The following DMD variants were observed in gnomAD, a reference collection of about 807,000 sequenced individuals.
The protein encoded by DMD is mutant dystrophin.
DMD carries 63 observed loss-of-function variants against 330.1 expected under a neutral mutation model. The ratio of observed to expected loss-of-function variants is 0.19; its 90% CI spans 0.16 to 0.24. The LOEUF is 0.24. DMD is among the 10% of genes least tolerant of loss of function. The pLI, the probability that DMD is intolerant of heterozygous loss-of-function variation, is 1.00. For missense variants in DMD, 3,344 were observed against 2,684.1 expected, an observed-to-expected ratio of 1.25 and a Z score of -5.43; for synonymous variants, 1,223 against 959.8, an observed-to-expected ratio of 1.27 and a Z score of -5.07.
At chrX:32,838,660 G>C (rs767365311) in intron 4 of DMD, among the ~76,000 whole-genome samples, 1 of 111,435 alleles carries the variant, frequency 9.0e-6, no homozygotes, top group African/African-American at 3.3e-5. Flanking sequence ...ATGGACATTT[G>C]GCCAACATAC....
chrX:31,256,174 C>T (rs1005400442), intron 63 of DMD, among the ~76,000 whole-genome samples: 4 of 112,035 alleles, frequency 3.6e-5, no homozygotes, highest in Non-Finnish European at 5.6e-5. Context: ...CTACTATTCT[C>T]TACTACCATT....
chrX:32,168,672 C>T (rs1242685883), intron 44 of DMD, among the ~76,000 whole-genome samples: 6 of 110,832 alleles, frequency 5.4e-5, no homozygotes, highest in Non-Finnish European at 1.1e-4. Context: ...ATCTTTTCCC[C>T]GAAGGGCTCA....
intron 1 of DMD, among the ~76,000 whole-genome samples, chrX:33,082,700 C>G (rs2094947952): frequency 8.9e-6 from 1 of 112,136 alleles, no homozygotes; most frequent in African/African-American, 3.2e-5. Flanking sequence ...TTCCTGTCCT[C>G]TGGATGGTAG....
chrX:31,836,815 G>A lies in DMD; in HGVS notation c.7103C>T (p.Thr2368Ile), dbSNP rs1438156593. Residue 2368 changes from threonine (T) to isoleucine (I), a missense_variant, in exon 49 of 79, where the codon ACT becomes ATT. Coordinates refer to ENST00000357033, the MANE Select transcript of DMD (RefSeq NM_004006.3). The part of the protein sequence containing the change: ...NQEGPFDVKE[T>I]EIAVQAKQPD... ...TTGTTTAGCTTGAACTGCTATTTCA[G>A]TTTCCTGGGGAAAAGAACCCATATA... 8.3e-7 allele frequency: 1 copy of A among 1,205,364 alleles called. No individual in the cohort carries two copies. The highest frequency in any genetic ancestry group is 1.1e-6 in the Non-Finnish European group (1 of 890,092).
chrX:31,494,223 C>T (rs1009266306), intron 57 of DMD, among the ~76,000 whole-genome samples: 25 of 109,015 alleles, frequency 2.3e-4, no homozygotes, highest in African/African-American at 7.0e-4. Flanking sequence ...GCTGGTCATC[C>T]GGAAAAGGTA....
At chrX:32,168,441 G>C (rs1451337986) in intron 44 of DMD, among the ~76,000 whole-genome samples, 1 of 106,589 alleles carries the variant, frequency 9.4e-6, no homozygotes, top group African/African-American at 3.4e-5. Context: ...CACATGTTAA[G>C]AATGACCCAT....
intron 48 of DMD, among the ~76,000 whole-genome samples, chrX:31,853,740 AT>A (rs2093568839): frequency 9.0e-6 from 1 of 111,623 alleles, no homozygotes; most frequent in Non-Finnish European, 1.9e-5. Context: ...GGACTGGTAA[AT>A]TACACCTTGG....
chrX:32,804,352 C>T (rs139787085), intron 7 of DMD, among the ~76,000 whole-genome samples: 1,747 of 112,205 alleles, frequency 0.016, 12 homozygotes, highest in Non-Finnish European at 0.026. Flanking sequence ...TAAACAAAGT[C>T]GCTGGGAAGT....
At chrX:31,829,473 A>G (rs2092971425) in intron 49 of DMD, among the ~76,000 whole-genome samples, 1 of 108,892 alleles carries the variant, frequency 9.2e-6, no homozygotes, top group Non-Finnish European at 1.9e-5. Context: ...TTTTTTAATT[A>G]AGTTTCCTAA....
chrX:32,217,329 A>G (rs1189554272), intron 43 of DMD, among the ~76,000 whole-genome samples: 1 of 111,849 alleles, frequency 8.9e-6, no homozygotes, highest in East Asian at 2.8e-4. Flanking sequence ...ATATTTATTG[A>G]TTAAAAGAAA....
intron 63 of DMD, among the ~76,000 whole-genome samples, chrX:31,232,864 ATTCATTTCC>A (rs1227579090): frequency 8.9e-6 from 1 of 111,741 alleles, no homozygotes; most frequent in Non-Finnish European, 1.9e-5. Flanking sequence ...AAATCTTCAA[ATTCATTTCC>A]TTCATTTCCT....
intron 44 of DMD, among the ~76,000 whole-genome samples, chrX:32,046,600 T>C (rs1236327666): frequency 2.7e-5 from 3 of 111,952 alleles, no homozygotes; most frequent in Non-Finnish European, 5.6e-5. Flanking sequence ...CTCATTTTAG[T>C]TACATTAAGG....
chrX:31,332,778 G>C (rs1396061937), intron 61 of DMD, among the ~76,000 whole-genome samples: 1 of 112,073 alleles, frequency 8.9e-6, no homozygotes, highest in African/African-American at 3.2e-5. Flanking sequence ...TATGCAAAAT[G>C]CTTCCTCTGT....
intron 60 of DMD, among the ~76,000 whole-genome samples, chrX:31,372,877 C>G (rs1414946430): frequency 5.4e-5 from 6 of 111,481 alleles, no homozygotes; most frequent in Non-Finnish European, 1.1e-4. Flanking sequence ...AAGAGGAAGT[C>G]AAATTGTCCC....
intron 42 of DMD, among the ~76,000 whole-genome samples, chrX:32,291,702 T>C (rs2097470302): frequency 8.9e-6 from 1 of 111,873 alleles, no homozygotes; most frequent in African/African-American, 3.2e-5. Context: ...TGCTTGTGTA[T>C]GTGTGCATAA....
chrX:32,858,492 G>C (rs1201459267), intron 2 of DMD, among the ~76,000 whole-genome samples: 1 of 111,082 alleles, frequency 9.0e-6, no homozygotes, highest in Admixed American at 9.6e-5. Flanking sequence ...ATCACGTCCA[G>C]CTCAGTTTTG....
chrX:32,343,386 G>C, intron 39 of DMD, 100 bp from the exon 40 acceptor site: 1 of 777,999 alleles, frequency 1.3e-6, no homozygotes, highest in Non-Finnish European at 1.9e-6. Context: ...TCATCTTTTT[G>C]TACAACTTAG....
intron 41 of DMD, among the ~76,000 whole-genome samples, chrX:32,319,004 C>A (rs1036129245): frequency 9.0e-6 from 1 of 111,259 alleles, no homozygotes; most frequent in Non-Finnish European, 1.9e-5. Flanking sequence ...TTCCTCAGGG[C>A]CAAGCTCAAT....
chrX:32,586,281 T>A (rs1235140269), intron 13 of DMD, among the ~76,000 whole-genome samples: 12 of 109,486 alleles, frequency 1.1e-4, no homozygotes, highest in Non-Finnish European at 2.1e-4. Flanking sequence ...AAGAAAAAAA[T>A]TTTATATACT....
Sources: allele counts gnomAD v4.1 joint callset (sites outside exome capture counted in the v4.1 genomes callset), GRCh38; gene constraint gnomAD v4.1.1; transcripts MANE v1.5; gene names NCBI Gene and HGNC (gene_info 2026-07-23, HGNC 2026-07-21).